SAMD12: variants seen among roughly 807,000 people sequenced by gnomAD.
The protein encoded by SAMD12 is sterile alpha motif domain-containing protein 12.
In SAMD12, 9 loss-of-function variants were observed where a neutral mutation model predicts 15.0. The ratio of observed to expected loss-of-function variants is 0.60; its 90% CI spans 0.36 to 1.05. The LOEUF is 1.05. Ranked by LOEUF, SAMD12 falls within the 50% of genes least tolerant of loss-of-function variation. The pLI, the probability that SAMD12 is intolerant of heterozygous loss-of-function variation, is 0.01. For missense variants in SAMD12, 230 were observed against 234.2 expected (o/e 0.98, Z 0.12); for synonymous variants, 86 against 90.1 (o/e 0.96, Z 0.25).
intron 3 of SAMD12, among the ~76,000 whole-genome samples, chr8:118,392,138 A>G (rs1306949940): frequency 6.6e-6 from 1 of 152,210 alleles, no homozygotes; most frequent in Non-Finnish European, 1.5e-5. Context: ...CACAATAAAA[A>G]GTACTGTTGG....
At chr8:118,550,048 C>A (rs1156376772) in intron 2 of SAMD12, among the ~76,000 whole-genome samples, 1 of 152,188 alleles carries the variant, frequency 6.6e-6, no homozygotes, top group Non-Finnish European at 1.5e-5. Context: ...AAATCTACGA[C>A]TGATTGGTGT....
At chr8:118,389,729 A>G (rs1820165732) in intron 3 of SAMD12, among the ~76,000 whole-genome samples, 1 of 151,320 alleles carries the variant, frequency 6.6e-6, no homozygotes, top group African/African-American at 2.5e-5. Flanking sequence ...AAGAAAAAAA[A>G]AAAGATAGAC....
intron 1 of SAMD12, among the ~76,000 whole-genome samples, chr8:118,617,302 G>A (rs1024309330): frequency 1.3e-5 from 2 of 152,188 alleles, no homozygotes; most frequent in Admixed American, 6.5e-5. Flanking sequence ...AACGTTTGAC[G>A]CTATCTCATT....
chr8:118,343,513 C>A (rs1001184822), intron 4 of SAMD12, among the ~76,000 whole-genome samples: 1 of 152,012 alleles, frequency 6.6e-6, no homozygotes, highest in Non-Finnish European at 1.5e-5. Context: ...TCTAGAGTAT[C>A]CCAGCAGTCA....
chr8:118,386,600 G>T (rs1819976845), intron 3 of SAMD12, among the ~76,000 whole-genome samples: 1 of 152,138 alleles, frequency 6.6e-6, no homozygotes, highest in East Asian at 1.9e-4. Context: ...TACGGCACAG[G>T]GTTCATTGTG....
At chr8:118,598,396 C>A (rs1271435583) in intron 1 of SAMD12, among the ~76,000 whole-genome samples, 1 of 152,206 alleles carries the variant, frequency 6.6e-6, no homozygotes, top group Non-Finnish European at 1.5e-5. Context: ...AAGCACAGAA[C>A]AAAGGCCATC....
chr8:118,257,533 CCTT>C (rs1812976200), intron 4 of SAMD12, among the ~76,000 whole-genome samples: 1 of 152,150 alleles, frequency 6.6e-6, no homozygotes, highest in South Asian at 2.1e-4. Context: ...AACTCCTCCT[CCTT>C]CCGTATGAAA....
chr8:118,165,634 A>T, the SAMD12 span, among the ~76,000 whole-genome samples: 837 of 144,584 alleles, frequency 5.8e-3, 14 homozygotes, highest in African/African-American at 0.021. Flanking sequence ...ATATATATAT[A>T]TACATATATA....
At chr8:118,356,896 T>C (rs1818254078) in intron 4 of SAMD12, among the ~76,000 whole-genome samples, 1 of 152,170 alleles carries the variant, frequency 6.6e-6, no homozygotes. Flanking sequence ...TGCAATCCAG[T>C]ACCAAGTTCT....
chr8:118,519,021 A>G (rs150808404), intron 2 of SAMD12, among the ~76,000 whole-genome samples: 1 of 152,346 alleles, frequency 6.6e-6, no homozygotes, highest in East Asian at 1.9e-4. Context: ...AGTCATGGAA[A>G]TGCACTTAAG....
At chr8:118,470,351 T>C (rs1041351893) in intron 2 of SAMD12, among the ~76,000 whole-genome samples, 3 of 151,976 alleles carry the variant, frequency 2.0e-5, no homozygotes, top group Non-Finnish European at 2.9e-5. Flanking sequence ...GCTTAGGTAT[T>C]AGGTTGTGAA....
chr8:118,164,975 A>ATGTGTGTGTGTG, the SAMD12 span, among the ~76,000 whole-genome samples: 781 of 144,220 alleles, frequency 5.4e-3, 5 homozygotes, highest in East Asian at 0.027. Context: ...CTGACACTAG[A>ATGTGTGTGTGTG]TGTGTGTGTG....
At chr8:118,377,720 C>T (rs1009749959), downstream of SAMD12, among the ~76,000 whole-genome samples, 1 of 152,074 alleles carries the variant, frequency 6.6e-6, no homozygotes, top group Non-Finnish European at 1.5e-5. Context: ...CCAAAGCAAA[C>T]ACACTGCAGG....
chr8:118,484,308 C>T (rs1357874374), intron 2 of SAMD12, among the ~76,000 whole-genome samples: 42 of 152,066 alleles, frequency 2.8e-4, no homozygotes, highest in Admixed American at 2.8e-3. Flanking sequence ...TATCACTGTG[C>T]CCATGGTTTC....
intron 2 of SAMD12, among the ~76,000 whole-genome samples, chr8:118,504,486 C>A (rs570345407): frequency 9.2e-5 from 14 of 152,272 alleles, no homozygotes; most frequent in African/African-American, 3.1e-4. Context: ...GGTGACCTGG[C>A]AAAACTCAAT....
chr8:118,500,997 G>A (rs1438972431), intron 2 of SAMD12, among the ~76,000 whole-genome samples: 1 of 152,178 alleles, frequency 6.6e-6, no homozygotes, highest in African/African-American at 2.4e-5. Context: ...TGGCATGGTG[G>A]TCTGTGTGGA....
At chr8:118,273,616 G>A (rs1813414178) in intron 4 of SAMD12, among the ~76,000 whole-genome samples, 1 of 152,160 alleles carries the variant, frequency 6.6e-6, no homozygotes, top group Admixed American at 6.5e-5. Flanking sequence ...CCCTCCCAGA[G>A]TGGCCCCATG....
At chr8:118,232,539 G>A (rs539252273) in intron 4 of SAMD12, among the ~76,000 whole-genome samples, 106 of 152,308 alleles carry the variant, frequency 7.0e-4, no homozygotes, top group African/African-American at 2.4e-3. Context: ...GAGGAAAAGA[G>A]TTCTCATGTC....
At chr8:118,535,194 G>T (rs1825803671) in intron 2 of SAMD12, among the ~76,000 whole-genome samples, 1 of 147,560 alleles carries the variant, frequency 6.8e-6, no homozygotes, top group South Asian at 2.1e-4. Flanking sequence ...CAGGTTTGTT[G>T]GAGTTTGCTG....
Sources: gnomAD v4.1 joint callset for allele counts (sites outside exome capture counted in the v4.1 genomes callset) on GRCh38, gnomAD v4.1.1 for gene constraint, MANE v1.5 for transcripts, NCBI Gene and HGNC (gene_info 2026-07-23, HGNC 2026-07-21) for gene names.